Variants in USH2A observed in about 807,000 individuals in gnomAD.
USH2A encodes the protein Usher syndrome 2A (autosomal recessive, mild).
A neutral mutation model predicts 538.9 loss-of-function variants in USH2A; 443 were observed. The ratio of observed to expected loss-of-function variants is 0.82; its 90% CI spans 0.76 to 0.89. The LOEUF (loss-of-function observed/expected upper bound fraction) is 0.89, where lower values mean the gene tolerates loss of function less well. USH2A is among the 40% of genes least tolerant of loss of function. The probability of loss-of-function intolerance (pLI) is 0.00; values close to 1 mark genes in which losing one functional copy is unlikely to be tolerated. For missense variants in USH2A, 6,633 were observed against 6,324.8 expected (o/e 1.05, Z -1.65); for synonymous variants, 2,413 against 2,273.5 (o/e 1.06, Z -1.75).
rs533560844 is a variant in USH2A, at chr1:216,349,146, A to G, written c.784+15807T>C. On this transcript the variant is annotated intron_variant, in intron 4 of 71. Transcript: ENST00000307340. ...AGGTATCAACTTTTGTCAGAACTCA[A>G]GTATTCTGAATGGACCTTGACATAC... Among the ~76,000 whole-genome samples the G allele has an allele frequency of 1.6e-3, 240 of 152,246 alleles. 1 individual carries two copies. The highest frequency in any genetic ancestry group is 5.4e-3 in the African/African-American group (223 of 41,558).
intron 38 of USH2A, among the ~76,000 whole-genome samples, chr1:215,905,245 A>G (rs532749522): frequency 2.0e-5 from 3 of 152,048 alleles, no homozygotes; most frequent in Non-Finnish European, 2.9e-5. Flanking sequence ...TGTGCTTTCC[A>G]TATGCACTGA....
At chr1:216,394,373 A>G (rs1223122173) in intron 3 of USH2A, among the ~76,000 whole-genome samples, 6 of 151,114 alleles carry the variant, frequency 4.0e-5, no homozygotes, top group Non-Finnish European at 7.4e-5. Context: ...TGGGGATGGG[A>G]AGATGGGAAT....
rs1662593994 is a variant in USH2A, at chr1:215,809,344, T to C, written c.9739+4392A>G. ...CATCTACATGGCGAAAGCCAATACTTTTTTTTAAAGCCTCTTTTGAGCATA... is the reference window on the plus strand; with the variant it reads ...CATCTACATGGCGAAAGCCAATACTCTTTTTTAAAGCCTCTTTTGAGCATA... On this transcript the variant is annotated intron_variant, in intron 49 of 71. Transcript: ENST00000307340. Among the ~76,000 whole-genome samples the C allele has an allele frequency of 2.0e-5, 3 of 152,242 alleles. No homozygotes were observed. The South Asian group carries it at 6.2e-4, about 32-fold the overall frequency.
chr1:216,367,076 CT>C (rs1428348398), intron 3 of USH2A, among the ~76,000 whole-genome samples: 1 of 152,170 alleles, frequency 6.6e-6, no homozygotes, highest in Non-Finnish European at 1.5e-5. Context: ...TCTCTACTGT[CT>C]TTACCCAGCC....
chr1:215,725,322 A>G (rs1317079593), intron 61 of USH2A, among the ~76,000 whole-genome samples: 2 of 152,184 alleles, frequency 1.3e-5, no homozygotes, highest in East Asian at 1.9e-4. Context: ...TATCTTTTAA[A>G]CAAAAATATT....
intron 9 of USH2A, among the ~76,000 whole-genome samples, chr1:216,311,122 A>T (rs912498591): frequency 1.3e-5 from 2 of 152,076 alleles, no homozygotes; most frequent in Admixed American, 6.5e-5. Context: ...CTAAGCAGCT[A>T]CTCTGACATT....
intron 4 of USH2A, among the ~76,000 whole-genome samples, chr1:216,350,991 C>T (rs370108682): frequency 3.6e-4 from 55 of 152,262 alleles, no homozygotes; most frequent in African/African-American, 1.2e-3. Flanking sequence ...GGCAGAGGCT[C>T]CCAAGCTTCA....
At chr1:215,830,199 A>AT (rs1355928587) in intron 47 of USH2A, among the ~76,000 whole-genome samples, 4 of 152,116 alleles carry the variant, frequency 2.6e-5, no homozygotes, top group South Asian at 2.1e-4. Context: ...GAGAAAGTAA[A>AT]TTTTTTCCGG....
rs1655873967 is a variant in USH2A, at chr1:215,623,400, T to C, written c.*2381A>G. The C allele has an allele frequency of 1.3e-5, 2 of 152,086 alleles. No homozygotes were observed. The highest frequency in any genetic ancestry group is 2.9e-5 in the Non-Finnish European group (2 of 68,022). 9.4% of individuals were successfully genotyped at this position (152,086 alleles called of 1,614,324 possible). On this transcript the variant is annotated 3_prime_UTR_variant, in exon 72 of 72. Transcript: ENST00000307340. ...CCAGATTGTGGAACATCAGTGGGTC[T>C]CAACATTAGAACACCTGGAAGCTTT...
chr1:215,926,031 C>T (rs984921292), intron 38 of USH2A, among the ~76,000 whole-genome samples: 1 of 152,022 alleles, frequency 6.6e-6, no homozygotes. Context: ...AAAACAAGAA[C>T]AAAAACAAAC....
intron 58 of USH2A, among the ~76,000 whole-genome samples, chr1:215,747,953 G>A (rs542588401): frequency 4.6e-4 from 70 of 150,636 alleles, no homozygotes; most frequent in African/African-American, 1.6e-3. Context: ...CTGCAGTGGC[G>A]CAATCTCGGC....
intron 60 of USH2A, among the ~76,000 whole-genome samples, chr1:215,736,796 C>A (rs915179821): frequency 1.3e-5 from 2 of 151,826 alleles, no homozygotes; most frequent in African/African-American, 4.8e-5. Flanking sequence ...CAAAAATGTG[C>A]AAATGAAAAT....
intron 3 of USH2A, among the ~76,000 whole-genome samples, chr1:216,371,642 C>T (rs553115434): frequency 1.3e-5 from 2 of 152,244 alleles, no homozygotes; most frequent in East Asian, 3.9e-4. Context: ...TTAGATTCAG[C>T]CTATTGCTCC....
At chr1:215,671,952 C>G (rs774109171) in intron 63 of USH2A, among the ~76,000 whole-genome samples, 1 of 152,162 alleles carries the variant, frequency 6.6e-6, no homozygotes, top group Non-Finnish European at 1.5e-5. Flanking sequence ...GCCTCCCTTA[C>G]ATGATACAAA....
intron 3 of USH2A, among the ~76,000 whole-genome samples, chr1:216,417,084 C>A (rs535224888): frequency 1.3e-5 from 2 of 152,180 alleles, no homozygotes; most frequent in East Asian, 3.9e-4. Flanking sequence ...ATGTCCTATG[C>A]ACAAGGCTTG....
intron 61 of USH2A, among the ~76,000 whole-genome samples, chr1:215,725,569 G>T (rs913951015): frequency 6.6e-6 from 1 of 152,178 alleles, no homozygotes; most frequent in Non-Finnish European, 1.5e-5. Context: ...ATCTAATGAA[G>T]CCTTCTCTTG....
intron 4 of USH2A, among the ~76,000 whole-genome samples, chr1:216,358,284 T>G (rs1255156334): frequency 6.6e-6 from 1 of 152,152 alleles, no homozygotes; most frequent in Non-Finnish European, 1.5e-5. Context: ...AGATCCATCT[T>G]GATCTGCTAT....
chr1:216,274,694 T>C (rs938890585), intron 11 of USH2A, among the ~76,000 whole-genome samples: 10 of 152,088 alleles, frequency 6.6e-5, no homozygotes, highest in African/African-American at 2.4e-4. Flanking sequence ...TTTAAGTGTT[T>C]TGTGATACTT....
intron 30 of USH2A, among the ~76,000 whole-genome samples, chr1:216,061,920 T>A (rs1338163529): frequency 1.3e-5 from 2 of 152,144 alleles, no homozygotes; most frequent in Non-Finnish European, 2.9e-5. Context: ...TAATGCAAAC[T>A]TACCCCACTA....
Sources: allele counts gnomAD v4.1 joint callset (sites outside exome capture counted in the v4.1 genomes callset), GRCh38; gene constraint gnomAD v4.1.1; transcripts MANE v1.5; gene names NCBI Gene and HGNC (gene_info 2026-07-23, HGNC 2026-07-21).